The following ABCB5 variants were observed in gnomAD, a reference collection of about 807,000 sequenced individuals.
ABCB5 encodes the protein ATP-binding cassette sub-family B member 5.
Under a neutral mutation model 144.2 loss-of-function variants are expected in ABCB5, and 155 were observed. The ratio of observed to expected loss-of-function variants is 1.08; its 90% CI spans 0.94 to 1.23. The LOEUF is 1.23. Ranked by LOEUF, ABCB5 falls within the 50% of genes most tolerant of loss-of-function variation. The probability of loss-of-function intolerance (pLI) is 0.00; values close to 1 mark genes in which losing one functional copy is unlikely to be tolerated. For synonymous variants in ABCB5, 610 were observed against 528.6 expected, an observed-to-expected ratio of 1.15 and a Z score of -2.11; for missense variants, 1,830 against 1,520.8, an observed-to-expected ratio of 1.20 and a Z score of -3.38.
chr7:20,728,158 TA>T (rs11334703), intron 22 of ABCB5, among the ~76,000 whole-genome samples, 156 bp from the exon 23 acceptor site: 131,971 of 150,540 alleles, frequency 0.88, 57,830 homozygotes, highest in South Asian at 0.97. Flanking sequence ...TTCTCAGTAG[TA>T]AAAAAAAAAA....
At chr7:20,659,549 C>T (rs367950851) in intron 14 of ABCB5, 3 of 999,304 alleles carry the variant, frequency 3.0e-6, no homozygotes, top group Non-Finnish European at 3.6e-6. Flanking sequence ...CAAGTTTGAA[C>T]GCTTGTTTCC....
chr7:20,711,778 CTCTTTCTTTCTTTCTT>C lies in ABCB5; in HGVS notation c.2421+7025_2421+7040del, dbSNP rs1174731019. 8.9e-4 allele frequency among the ~76,000 whole-genome samples: 42 copies of C among 47,144 alleles called. 3 individuals carry two copies. The highest frequency in any genetic ancestry group is 2.9e-3 in the African/African-American group (24 of 8,372). 30.9% of individuals were successfully genotyped at this position (47,144 alleles called of 152,430 possible). On this transcript the variant is annotated intron_variant, in intron 20 of 27. Coordinates refer to ENST00000404938, the MANE Select transcript of ABCB5 (RefSeq NM_001163941.2). Reference sequence around the variant, plus strand: ...CCAGCCTGCCTGCCTTTCCTTCTTTCTCTTTCTTTCTTTCTTTCTTTCTTTCTTTCTTTCTTTCTTT... The same window carrying C: ...CCAGCCTGCCTGCCTTTCCTTCTTTCTCTTTCTTTCTTTCTTTCTTTCTTT...
chr7:20,721,060 A>G (rs1048694030), intron 20 of ABCB5, among the ~76,000 whole-genome samples: 7 of 152,182 alleles, frequency 4.6e-5, no homozygotes, highest in African/African-American at 1.7e-4. Context: ...TTCACTATAA[A>G]ATACATTATT....
Position 20,648,033 on chromosome 7 carries a change from ATTTAAAAATGT to A in ABCB5, c.1164_1174del (p.Lys389PhefsTer20), listed in dbSNP as rs1479335831. On this transcript the variant is annotated frameshift_variant, in exon 11 of 28. Coordinates refer to ENST00000404938, the MANE Select transcript of ABCB5 (RefSeq NM_001163941.2). LOFTEE classifies it high-confidence loss of function. ...CTGAATCCATAGAAGGAACTGTGGA[ATTTAAAAATGT>A]TTCTTTCAATTATCCATCAAGACCA... 1.9e-6 allele frequency: 3 copies of A among 1,611,594 alleles called. No homozygotes were observed. The highest frequency in any genetic ancestry group is 1.1e-5 in the South Asian group (1 of 90,952).
At chr7:20,731,369 A>AAAAAATATATATATATAT (rs57305244) in intron 23 of ABCB5, among the ~76,000 whole-genome samples, 1 of 123,102 alleles carries the variant, frequency 8.1e-6, no homozygotes, top group African/African-American at 3.3e-5. Context: ...AAAAAAAAAA[A>AAAAAATATATATATATAT]ATATATATAT....
intron 16 of ABCB5, 56 bp from the exon 17 acceptor site, chr7:20,698,351 C>T: frequency 2.1e-6 from 3 of 1,431,916 alleles, no homozygotes; most frequent in Non-Finnish European, 2.8e-6. Flanking sequence ...GCTAACTTCA[C>T]TAGATTCTGT....
chr7:20,692,976 T>A (rs776347093), intron 16 of ABCB5, among the ~76,000 whole-genome samples: 1 of 152,158 alleles, frequency 6.6e-6, no homozygotes, highest in African/African-American at 2.4e-5. Context: ...TAAATAGAAA[T>A]TCGGCAGAAA....
chr7:20,658,770 T>C, intron 14 of ABCB5, 94 bp downstream of exon 14: 1 of 1,402,408 alleles, frequency 7.1e-7, no homozygotes, highest in Non-Finnish European at 9.7e-7. Flanking sequence ...ATTACTCAAG[T>C]TGAGAGCCCT....
At chr7:20,703,778 C>T (rs1258670998) in intron 19 of ABCB5, among the ~76,000 whole-genome samples, 2 of 152,172 alleles carry the variant, frequency 1.3e-5, no homozygotes, top group East Asian at 3.9e-4. Flanking sequence ...CTAAGATGTG[C>T]TGTCTCCATT....
chr7:20,688,635 T>C (rs995307965), intron 16 of ABCB5, among the ~76,000 whole-genome samples: 23 of 152,146 alleles, frequency 1.5e-4, no homozygotes, highest in African/African-American at 4.8e-4. Flanking sequence ...ACCCCAAGGA[T>C]TATAAATCAT....
At chr7:20,704,075 C>CT (rs71020669) in intron 19 of ABCB5, among the ~76,000 whole-genome samples, 2,197 of 80,768 alleles carry the variant, frequency 0.027, 289 homozygotes, top group African/African-American at 0.1. Flanking sequence ...TATTGCCTTC[C>CT]TTTTTTTTTT....
chr7:20,696,955 G>A (rs1252103787), intron 16 of ABCB5, among the ~76,000 whole-genome samples: 1 of 152,080 alleles, frequency 6.6e-6, no homozygotes, highest in African/African-American at 2.4e-5. Context: ...CTAATTTCCT[G>A]GCTCTGTAAT....
rs1320706071 is a variant in ABCB5 at position 20,631,977 on chromosome 7, T to C, written c.260-82T>C. Reference sequence around the variant, plus strand: ...TCTGTTGTCTTAAGAGTGCACTATATTTGGTTTGGAGGGCTATCTGTGTAA... The same window carrying C: ...TCTGTTGTCTTAAGAGTGCACTATACTTGGTTTGGAGGGCTATCTGTGTAA... On this transcript the variant is annotated intron_variant, in intron 4 of 27. Transcript: ENST00000404938. The C allele has an allele frequency of 3.0e-5, 24 of 794,514 alleles. No individual in the cohort carries two copies. The East Asian group carries it at 6.6e-4, about 22-fold the overall frequency. 49.2% of individuals were successfully genotyped at this position (794,514 alleles called of 1,614,324 possible).
rs1782404075 is a variant in ABCB5, at chr7:20,737,121, G to A, written c.2868-1862G>A. 2.6e-5 allele frequency among the ~76,000 whole-genome samples: 4 copies of A among 151,356 alleles called. No individual in the cohort carries two copies. The South Asian group carries it at 8.4e-4, about 32-fold the overall frequency. ...TGCAGTGAGCTGACATCATGCCACT[G>A]CACTCCAGCCTGAATGACAAAGCAA... On this transcript the variant is annotated intron_variant, in intron 23 of 27. Coordinates refer to ENST00000404938, the MANE Select transcript of ABCB5 (RefSeq NM_001163941.2).
At chr7:20,619,777 T>G (rs749673045) in intron 1 of ABCB5, among the ~76,000 whole-genome samples, 1 of 152,186 alleles carries the variant, frequency 6.6e-6, no homozygotes, top group Non-Finnish European at 1.5e-5. Flanking sequence ...AGGATATTTC[T>G]TAAGTTTTCT....
In ABCB5 at chr7:20,643,184, G is replaced by A. The variant is rs766397154; in HGVS notation, c.315G>A (p.Leu105=). ...SQEKLNEDMT[L]LTLYYVGIGV... ...TCACATTCTAATACTCTTTCTTCAGGTTGACCCTGTATTATGTTGGAATAG... is the reference window on the plus strand; with the variant it reads ...TCACATTCTAATACTCTTTCTTCAGATTGACCCTGTATTATGTTGGAATAG... Residue 105 remains leucine, a splice_region_variant and synonymous_variant, in exon 6 of 28, where the codon CTG becomes CTA. Transcript: ENST00000404938. The A allele has an allele frequency of 5.6e-6, 9 of 1,605,002 alleles. No homozygotes were observed. Among genetic ancestry groups the A allele is most frequent in the African/African-American group, 1.3e-5 (1 of 74,924 alleles).
intron 4 of ABCB5, among the ~76,000 whole-genome samples, chr7:20,631,167 G>A (rs924874627): frequency 6.6e-6 from 1 of 152,106 alleles, no homozygotes; most frequent in Non-Finnish European, 1.5e-5. Flanking sequence ...TACACACTGA[G>A]ATTATGCCAT....
rs1312994802 is a variant in ABCB5, at chr7:20,678,464, T to C, written c.1708-3041T>C. On this transcript the variant is annotated intron_variant, in intron 14 of 27. Transcript: ENST00000404938. ...AGCTTCTTAACTTTCTGAGTTCCAT[T>C]TTCCTGCTCTATAATAGATAAGAAT... is the stretch of plus-strand genomic sequence containing the variant. Among the ~76,000 whole-genome samples, 5 of 152,296 alleles carry C rather than the reference T, an allele frequency of 3.3e-5. No individual in the cohort carries two copies. In the East Asian group the frequency reaches 7.7e-4, roughly 24 times the overall value.
At chr7:20,682,709 A>T (rs112745308) in intron 15 of ABCB5, among the ~76,000 whole-genome samples, 2 of 152,164 alleles carry the variant, frequency 1.3e-5, no homozygotes, top group African/African-American at 4.8e-5. Flanking sequence ...GGCACTCAAT[A>T]AACACTTGCT....
Sources: gnomAD v4.1 joint callset for allele counts (sites outside exome capture counted in the v4.1 genomes callset) on GRCh38, gnomAD v4.1.1 for gene constraint, MANE v1.5 for transcripts, NCBI Gene and HGNC (gene_info 2026-07-23, HGNC 2026-07-21) for gene names.